The following ARID1B variants were observed in gnomAD, a reference collection of about 807,000 sequenced individuals.
ARID1B encodes the protein AT-rich interactive domain-containing protein 1B.
In ARID1B, 30 loss-of-function variants were observed where a neutral mutation model predicts 212.3. That is an observed-to-expected ratio of 0.14 (90% CI 0.11 to 0.19). ARID1B has a LOEUF of 0.19. ARID1B is among the 10% of genes least tolerant of loss of function. The probability of loss-of-function intolerance (pLI) is 1.00; values close to 1 mark genes in which losing one functional copy is unlikely to be tolerated. For missense variants in ARID1B, 2,891 were observed against 3,204.0 expected, an observed-to-expected ratio of 0.90 and a Z score of 2.36; for synonymous variants, 1,402 against 1,301.7, an observed-to-expected ratio of 1.08 and a Z score of -1.66.
intron 4 of ARID1B, among the ~76,000 whole-genome samples, chr6:157,067,101 G>A (rs902963023): frequency 6.6e-6 from 1 of 152,170 alleles, no homozygotes. Context: ...TATTCTCACT[G>A]TTTGCCAAGC....
intron 2 of ARID1B, among the ~76,000 whole-genome samples, chr6:156,839,851 G>T (rs547833524): frequency 7.9e-5 from 12 of 152,322 alleles, no homozygotes; most frequent in African/African-American, 2.9e-4. Context: ...AGCCACCAAG[G>T]TCTGGCAAGG....
chr6:156,962,316 G>C (rs900102071), intron 4 of ARID1B, among the ~76,000 whole-genome samples: 1 of 152,022 alleles, frequency 6.6e-6, no homozygotes, highest in East Asian at 1.9e-4. Context: ...ACTATAGAAA[G>C]GTAAATGATA....
At chr6:156,916,165 G>A (rs951478949) in intron 3 of ARID1B, among the ~76,000 whole-genome samples, 2 of 152,188 alleles carry the variant, frequency 1.3e-5, no homozygotes, top group Non-Finnish European at 2.9e-5. Context: ...GATTGTATCA[G>A]GAAGAAGTAC....
At chr6:157,159,748 T>C (rs572781244) in intron 8 of ARID1B, among the ~76,000 whole-genome samples, 2 of 152,334 alleles carry the variant, frequency 1.3e-5, no homozygotes, top group South Asian at 2.1e-4. Flanking sequence ...GGAGAAATGC[T>C]TTGAAAACAA....
chr6:156,883,773 A>C (rs1357065591), intron 2 of ARID1B, among the ~76,000 whole-genome samples: 2 of 152,088 alleles, frequency 1.3e-5, no homozygotes, highest in African/African-American at 2.4e-5. Context: ...TGCTGGAGGT[A>C]AGCTGTTACC....
chr6:156,922,775 A>G (rs939654184), intron 3 of ARID1B, among the ~76,000 whole-genome samples: 2 of 152,246 alleles, frequency 1.3e-5, no homozygotes, highest in Non-Finnish European at 2.9e-5. Flanking sequence ...CCAGACAAAT[A>G]CATGCATCAC....
intron 4 of ARID1B, chr6:156,935,799 AG>A: frequency 4.5e-6 from 2 of 447,126 alleles, no homozygotes; most frequent in Non-Finnish European, 8.1e-6. Flanking sequence ...TGTAGACATC[AG>A]TTGGAAGGTT....
intron 11 of ARID1B, among the ~76,000 whole-genome samples, chr6:157,176,444 A>G (rs1022569383): frequency 2.0e-5 from 3 of 152,182 alleles, no homozygotes; most frequent in African/African-American, 7.2e-5. Context: ...TGAATCAGTA[A>G]TGCTCTCAAG....
intron 1 of ARID1B, among the ~76,000 whole-genome samples, chr6:156,805,614 C>T (rs904857835): frequency 6.6e-6 from 1 of 152,066 alleles, no homozygotes; most frequent in Non-Finnish European, 1.5e-5. Flanking sequence ...GTCACCTTTG[C>T]TTTTATTTTC....
intron 2 of ARID1B, among the ~76,000 whole-genome samples, chr6:156,872,216 G>A (rs963867553): frequency 6.6e-6 from 1 of 152,202 alleles, no homozygotes. Flanking sequence ...GAGATTTCAT[G>A]TGTAAAAGCA....
chr6:156,840,223 T>C (rs951898684), intron 2 of ARID1B, among the ~76,000 whole-genome samples: 3 of 152,248 alleles, frequency 2.0e-5, no homozygotes, highest in Non-Finnish European at 4.4e-5. Context: ...TTCTGACCTT[T>C]GCGTTTCCTT....
At chr6:156,932,215 A>G (rs979126883) in intron 3 of ARID1B, among the ~76,000 whole-genome samples, 8 of 151,904 alleles carry the variant, frequency 5.3e-5, no homozygotes, top group Non-Finnish European at 1.2e-4. Flanking sequence ...CTACTACGCT[A>G]AACTTTTTTC....
intron 4 of ARID1B, among the ~76,000 whole-genome samples, chr6:157,040,752 A>G (rs889448623): frequency 2.0e-5 from 3 of 152,234 alleles, no homozygotes; most frequent in Middle Eastern, 3.2e-3. Flanking sequence ...TCAAATGGCA[A>G]ATATCTATGT....
At chr6:156,888,266 C>T (rs1787669716) in intron 2 of ARID1B, among the ~76,000 whole-genome samples, 1 of 152,182 alleles carries the variant, frequency 6.6e-6, no homozygotes, top group Admixed American at 6.5e-5. Context: ...GCAAGAAGCT[C>T]CTCTGTAATT....
intron 4 of ARID1B, among the ~76,000 whole-genome samples, chr6:156,998,875 C>T (rs1778757911): frequency 6.6e-6 from 1 of 152,208 alleles, no homozygotes; most frequent in African/African-American, 2.4e-5. Context: ...CGTTCTTTTC[C>T]TCCAATTATG....
chr6:157,016,679 G>T (rs1221923345), intron 4 of ARID1B, among the ~76,000 whole-genome samples: 2 of 152,182 alleles, frequency 1.3e-5, no homozygotes, highest in Non-Finnish European at 2.9e-5. Flanking sequence ...GGCCAGAGTG[G>T]GTCCCGCCTG....
chr6:156,812,768 C>A (rs1299390777), intron 1 of ARID1B, among the ~76,000 whole-genome samples: 1 of 151,700 alleles, frequency 6.6e-6, no homozygotes, highest in African/African-American at 2.4e-5. Flanking sequence ...TCCCAAAAGA[C>A]CAGGCCCGCA....
chr6:157,157,330 C>T (rs991247094), intron 8 of ARID1B, among the ~76,000 whole-genome samples: 1 of 152,160 alleles, frequency 6.6e-6, no homozygotes, highest in Non-Finnish European at 1.5e-5. Flanking sequence ...CATCACTAGG[C>T]GTCATTAGCA....
At chr6:157,012,339 G>A (rs892251459) in intron 4 of ARID1B, among the ~76,000 whole-genome samples, 2 of 152,254 alleles carry the variant, frequency 1.3e-5, no homozygotes, top group African/African-American at 4.8e-5. Flanking sequence ...CCATGTTGAA[G>A]AAGTCCACCA....
Sources: gnomAD v4.1 joint callset for allele counts (sites outside exome capture counted in the v4.1 genomes callset) on GRCh38, gnomAD v4.1.1 for gene constraint, MANE v1.5 for transcripts, NCBI Gene and HGNC (gene_info 2026-07-23, HGNC 2026-07-21) for gene names.